Variants in TMCC2 observed in about 807,000 individuals in gnomAD.
TMCC2 encodes the protein transmembrane and coiled-coil domains protein 2.
A neutral mutation model predicts 49.4 loss-of-function variants in TMCC2; 16 were observed. The observed-to-expected ratio is 0.32, with a 90% confidence interval of 0.22 to 0.49. The LOEUF is 0.49. Ranked by LOEUF, TMCC2 falls within the 20% of genes least tolerant of loss-of-function variation. The probability of loss-of-function intolerance (pLI) is 0.99; values close to 1 mark genes in which losing one functional copy is unlikely to be tolerated. For synonymous variants in TMCC2, 397 were observed against 434.1 expected (o/e 0.91, Z 1.06); for missense variants, 762 against 989.8 (o/e 0.77, Z 3.09).
chr1:205,248,464 G>A (rs529731368), intron 2 of TMCC2, among the ~76,000 whole-genome samples: 2 of 152,310 alleles, frequency 1.3e-5, no homozygotes, highest in African/African-American at 4.8e-5. Flanking sequence ...GTATGTATGC[G>A]ACACAGAAAA....
At chr1:205,259,419 G>A (rs946871154) in intron 2 of TMCC2, among the ~76,000 whole-genome samples, 13 of 152,190 alleles carry the variant, frequency 8.5e-5, no homozygotes, top group African/African-American at 3.1e-4. Flanking sequence ...CCTTGCAAAT[G>A]GCAGCTGTTT....
At chr1:205,255,686 C>T (rs1046411826) in intron 2 of TMCC2, among the ~76,000 whole-genome samples, 13 of 152,170 alleles carry the variant, frequency 8.5e-5, no homozygotes, top group African/African-American at 2.7e-4. Context: ...CATTGTTTTA[C>T]GATGTCAGTA....
intron 2 of TMCC2, chr1:205,257,288 A>C: frequency 8.1e-7 from 1 of 1,232,224 alleles, no homozygotes; most frequent in African/African-American, 1.5e-5. Context: ...GGGGCCTGAC[A>C]CAGTCCGCAG....
intron 2 of TMCC2, among the ~76,000 whole-genome samples, chr1:205,260,431 G>A (rs996893128): frequency 6.6e-6 from 1 of 152,190 alleles, no homozygotes; most frequent in African/African-American, 2.4e-5. Context: ...CCAGCTGCAC[G>A]ACAGGGGTAT....
chr1:205,250,124 C>T (rs1263533633), intron 2 of TMCC2, among the ~76,000 whole-genome samples: 1 of 152,222 alleles, frequency 6.6e-6, no homozygotes, highest in Non-Finnish European at 1.5e-5. Context: ...GCTCTGACAC[C>T]AGAGATCATA....
At chr1:205,255,388 G>C (rs1660823488) in intron 2 of TMCC2, among the ~76,000 whole-genome samples, 1 of 151,770 alleles carries the variant, frequency 6.6e-6, no homozygotes, top group South Asian at 2.1e-4. Context: ...CCTCGTCTCT[G>C]TACTAAAAAT....
At chr1:205,257,182 C>A in intron 2 of TMCC2, 1 of 1,232,532 alleles carries the variant, frequency 8.1e-7, no homozygotes. Flanking sequence ...CCCCTAATCC[C>A]CAGGCTGTGC....
chr1:205,245,252 A>G (rs1251792330), intron 2 of TMCC2, among the ~76,000 whole-genome samples: 1 of 152,182 alleles, frequency 6.6e-6, no homozygotes, highest in Non-Finnish European at 1.5e-5. Flanking sequence ...ACTGCGATTA[A>G]TGAGGGCTCC....
At chr1:205,258,507 C>T (rs975940862) in intron 2 of TMCC2, among the ~76,000 whole-genome samples, 1 of 152,140 alleles carries the variant, frequency 6.6e-6, no homozygotes, top group Non-Finnish European at 1.5e-5. Flanking sequence ...TCTTTCTCCA[C>T]CCCCACCCCT....
chr1:205,250,314 G>A (rs1264040212), intron 2 of TMCC2, among the ~76,000 whole-genome samples: 1 of 152,166 alleles, frequency 6.6e-6, no homozygotes, highest in Non-Finnish European at 1.5e-5. Context: ...GCCGAGGTGG[G>A]TGTATCACCT....
intron 1 of TMCC2, among the ~76,000 whole-genome samples, chr1:205,240,132 G>A (rs1249174475): frequency 2.0e-5 from 3 of 152,248 alleles, no homozygotes; most frequent in African/African-American, 4.8e-5. Context: ...AGGAGCTGCA[G>A]AATGTGAGGT....
chr1:205,251,974 G>A (rs1158450376), intron 2 of TMCC2, among the ~76,000 whole-genome samples: 1 of 152,230 alleles, frequency 6.6e-6, no homozygotes, highest in Non-Finnish European at 1.5e-5. Flanking sequence ...GGGTGGGGTA[G>A]AGGGTGCTCT....
At chr1:205,231,238 A>G (rs1659786180) in intron 1 of TMCC2, among the ~76,000 whole-genome samples, 1 of 151,992 alleles carries the variant, frequency 6.6e-6, no homozygotes, top group African/African-American at 2.4e-5. Flanking sequence ...CAAATCACTC[A>G]ACTTTTCCGA....
chr1:205,258,540 G>T (rs1322071584), intron 2 of TMCC2, among the ~76,000 whole-genome samples: 1 of 152,154 alleles, frequency 6.6e-6, no homozygotes, highest in Non-Finnish European at 1.5e-5. Context: ...GAGCACCCGG[G>T]TCAGCTGTGA....
intron 2 of TMCC2, among the ~76,000 whole-genome samples, chr1:205,259,486 C>T (rs1027360696): frequency 3.3e-5 from 5 of 152,362 alleles, no homozygotes; most frequent in African/African-American, 7.2e-5. Flanking sequence ...AAGAGAACCA[C>T]GATTCACATT....
At chr1:205,268,735 A>C (rs1558658031) in intron 2 of TMCC2, among the ~76,000 whole-genome samples, 1 of 152,184 alleles carries the variant, frequency 6.6e-6, no homozygotes, top group Non-Finnish European at 1.5e-5. Context: ...AGCTCTGCCT[A>C]GACTGCATTT....
Position 205,251,203 on chromosome 1 carries a change from C to T in TMCC2, c.747+9159C>T, listed in dbSNP as rs1420523152. 7.2e-5 allele frequency among the ~76,000 whole-genome samples: 11 copies of T among 152,180 alleles called. No homozygotes were observed. In the South Asian group the frequency reaches 2.3e-3, roughly 31 times the overall value. On this transcript the variant is annotated intron_variant, in intron 2 of 4. Transcript: ENST00000358024. ...CATTCCTTCTAGGCTCCTAGGGAATCAGAAGCTCCCCTGAGCTGCAGTAGG... is the reference window on the plus strand; with the variant it reads ...CATTCCTTCTAGGCTCCTAGGGAATTAGAAGCTCCCCTGAGCTGCAGTAGG...
chr1:205,249,855 G>A (rs1439384158), intron 2 of TMCC2, among the ~76,000 whole-genome samples: 1 of 152,276 alleles, frequency 6.6e-6, no homozygotes, highest in Non-Finnish European at 1.5e-5. Context: ...TGTGCTGCCA[G>A]TGGCTCGCCA....
rs79912728 is a variant in TMCC2 at position 205,229,217 on chromosome 1, C to A, written c.207+446C>A. 0.014 allele frequency: 12,055 copies of A among 865,298 alleles called. 1,070 individuals carry two copies. The African/African-American group carries it at 0.2, about 14-fold the overall frequency. 53.6% of individuals were successfully genotyped at this position (865,298 alleles called of 1,614,324 possible). ...TGTGTGTATGTGTGTGAGACGGAGT[C>A]TCGTTCTGTCGCCCAGGCTGGAGTG... On this transcript the variant is annotated intron_variant, in intron 1 of 4. Transcript: ENST00000358024.
Sources: gnomAD v4.1 joint callset for allele counts (sites outside exome capture counted in the v4.1 genomes callset) on GRCh38, gnomAD v4.1.1 for gene constraint, MANE v1.5 for transcripts, NCBI Gene and HGNC (gene_info 2026-07-23, HGNC 2026-07-21) for gene names.